The following PCDHA10 variants were observed in gnomAD, a reference collection of about 807,000 sequenced individuals.
The protein encoded by PCDHA10 is protocadherin alpha-10.
Under a neutral mutation model 61.2 loss-of-function variants are expected in PCDHA10, and 45 were observed. The observed-to-expected ratio is 0.74, with a 90% CI of 0.58 to 0.94. PCDHA10 has a LOEUF of 0.94. Ranked by LOEUF, PCDHA10 falls within the 40% of genes least tolerant of loss-of-function variation. The pLI, the probability that PCDHA10 is intolerant of heterozygous loss-of-function variation, is 0.00. For synonymous variants in PCDHA10, 602 were observed against 548.8 expected (o/e 1.10, Z -1.35); for missense variants, 1,278 against 1,236.2 (o/e 1.03, Z -0.51).
At chr5:140,860,913 A>G (rs1423371903) in intron 1 of PCDHA10, 5 of 152,086 alleles carry the variant, frequency 3.3e-5, no homozygotes, top group African/African-American at 9.7e-5. Flanking sequence ...AATTTTTTGT[A>G]TTTTTAGTAG....
intron 1 of PCDHA10, among the ~76,000 whole-genome samples, chr5:140,907,985 A>T (rs1377305456): frequency 2.6e-5 from 4 of 152,178 alleles, no homozygotes; most frequent in East Asian, 1.9e-4. Flanking sequence ...GCTTCTTCCA[A>T]GTCCTTAACC....
At chr5:140,918,155 A>T (rs1453787502) in intron 1 of PCDHA10, among the ~76,000 whole-genome samples, 1 of 152,054 alleles carries the variant, frequency 6.6e-6, no homozygotes, top group Admixed American at 6.5e-5. Flanking sequence ...GTGTATGTCT[A>T]TTGTAAATGG....
chr5:140,975,591 G>A (rs1421434713), intron 1 of PCDHA10, among the ~76,000 whole-genome samples: 1 of 152,198 alleles, frequency 6.6e-6, no homozygotes, highest in African/African-American at 2.4e-5. Flanking sequence ...GTCCCAGAGG[G>A]CAATTTGTTG....
chr5:140,869,697 G>T (rs552852780), intron 1 of PCDHA10: 1 of 1,613,410 alleles, frequency 6.2e-7, no homozygotes, highest in Admixed American at 1.7e-5. Flanking sequence ...TTTTAAAGAA[G>T]TCTCTGGATA....
At chr5:140,966,395 T>A in intron 1 of PCDHA10, 1 of 404,602 alleles carries the variant, frequency 2.5e-6, no homozygotes, top group Non-Finnish European at 4.3e-6. Flanking sequence ...GTCCGCCACT[T>A]CGGCGCGGAA....
intron 1 of PCDHA10, chr5:140,928,939 T>G (rs367874769): frequency 6.2e-7 from 1 of 1,614,012 alleles, no homozygotes; most frequent in African/African-American, 1.3e-5. Context: ...CCAGAACTTG[T>G]ATTTAGTAAT....
intron 1 of PCDHA10, among the ~76,000 whole-genome samples, chr5:140,977,308 A>G (rs2096754925): frequency 6.6e-6 from 1 of 152,230 alleles, no homozygotes; most frequent in South Asian, 2.1e-4. Context: ...CAAGCTAACG[A>G]TAGTGCTCCT....
At chr5:140,878,358 A>G (rs2057559820) in intron 1 of PCDHA10, among the ~76,000 whole-genome samples, 1 of 152,254 alleles carries the variant, frequency 6.6e-6, no homozygotes, top group Non-Finnish European at 1.5e-5. Context: ...TATAAATGAT[A>G]TGTCTGACAT....
intron 1 of PCDHA10, among the ~76,000 whole-genome samples, chr5:140,946,325 A>G (rs2093929113): frequency 6.6e-6 from 1 of 151,932 alleles, no homozygotes; most frequent in Non-Finnish European, 1.5e-5. Context: ...TGAAAGAGGA[A>G]AGATAACAAG....
chr5:140,858,130 C>T lies in PCDHA10; in HGVS notation c.2082C>T (p.Val694=). The change falls in exon 1 of 4, where the codon GTC becomes GTT. Residue 694 remains valine (V), a synonymous_variant. Coordinates refer to ENST00000307360, the MANE Select transcript of PCDHA10 (RefSeq NM_018901.4). ...GVAPEVALVD[V]NVYLIIAICA... ...CGCCCGAGGTGGCCCTGGTGGATGT[C>T]AACGTGTACCTGATCATCGCCATCT... 6.3e-7 allele frequency: 1 copy of T among 1,597,774 alleles called. No individual in the cohort carries two copies. Among genetic ancestry groups the T allele is most frequent in the Non-Finnish European group, 8.6e-7 (1 of 1,167,554 alleles).
At chr5:140,941,198 T>TCTTC (rs202127003) in intron 1 of PCDHA10, among the ~76,000 whole-genome samples, 5 of 119,810 alleles carry the variant, frequency 4.2e-5, no homozygotes, top group Non-Finnish European at 7.0e-5. Flanking sequence ...TTTTTTTCTT[T>TCTTC]CTTCCTTTCT....
At chr5:140,892,283 C>T (rs1554185144) in intron 1 of PCDHA10, among the ~76,000 whole-genome samples, 1 of 152,172 alleles carries the variant, frequency 6.6e-6, no homozygotes, top group African/African-American at 2.4e-5. Context: ...GTATTAAACA[C>T]TTCTTCCTGG....
intron 1 of PCDHA10, among the ~76,000 whole-genome samples, chr5:140,922,855 A>C (rs1216713034): frequency 6.6e-6 from 1 of 152,246 alleles, no homozygotes; most frequent in Non-Finnish European, 1.5e-5. Context: ...GACCAAATAC[A>C]TAGACAAGGG....
At chr5:140,880,173 C>T (rs2058257400) in intron 1 of PCDHA10, among the ~76,000 whole-genome samples, 1 of 152,006 alleles carries the variant, frequency 6.6e-6, no homozygotes, top group Non-Finnish European at 1.5e-5. Context: ...AGAAGTTAAA[C>T]ATGAAGGGAA....
intron 1 of PCDHA10, among the ~76,000 whole-genome samples, chr5:140,963,607 G>A (rs558578531): frequency 2.0e-5 from 3 of 152,306 alleles, no homozygotes; most frequent in Non-Finnish European, 4.4e-5. Context: ...GACGTAATTG[G>A]GAAAGCTTAA....
intron 1 of PCDHA10, chr5:140,968,753 C>G: frequency 1.2e-6 from 2 of 1,614,022 alleles, no homozygotes; most frequent in Non-Finnish European, 1.7e-6. Flanking sequence ...CGTGGTGGTC[C>G]GAGATAATGG....
intron 1 of PCDHA10, chr5:140,860,465 T>C (rs12657479): frequency 6.6e-6 from 1 of 152,098 alleles, no homozygotes; most frequent in Admixed American, 6.5e-5. Flanking sequence ...GATAATACAG[T>C]TGGTGCAGTA....
At chr5:140,989,410 C>T (rs568177388) in intron 3 of PCDHA10, among the ~76,000 whole-genome samples, 1 of 152,230 alleles carries the variant, frequency 6.6e-6, no homozygotes, top group South Asian at 2.1e-4. Context: ...GGAGAGTCTG[C>T]ACTTCACTCT....
intron 3 of PCDHA10, among the ~76,000 whole-genome samples, chr5:140,990,426 G>A (rs3756324): frequency 0.3 from 46,292 of 152,022 alleles, 7,253 homozygotes; most frequent in East Asian, 0.43. Flanking sequence ...AACCAGCATT[G>A]ACCCAATCTT....
Sources: gnomAD v4.1 joint callset for allele counts (sites outside exome capture counted in the v4.1 genomes callset) on GRCh38, gnomAD v4.1.1 for gene constraint, MANE v1.5 for transcripts, NCBI Gene and HGNC (gene_info 2026-07-23, HGNC 2026-07-21) for gene names.